Variants in EXOC4 observed in about 807,000 individuals in gnomAD.
The protein encoded by EXOC4 is SEC8-like 1.
A neutral mutation model predicts 107.2 loss-of-function variants in EXOC4; 71 were observed. The observed-to-expected ratio is 0.66, with a 90% confidence interval of 0.55 to 0.81. EXOC4 has a LOEUF of 0.81. EXOC4 is among the 30% of genes least tolerant of loss of function. The pLI, the probability that EXOC4 is intolerant of heterozygous loss-of-function variation, is 0.00. For synonymous variants in EXOC4, 456 were observed against 441.2 expected, an observed-to-expected ratio of 1.03 and a Z score of -0.42; for missense variants, 1,108 against 1,189.6, an observed-to-expected ratio of 0.93 and a Z score of 1.01.
intron 14 of EXOC4, among the ~76,000 whole-genome samples, chr7:133,970,196 C>T (rs1037246421): frequency 6.6e-6 from 1 of 151,954 alleles, no homozygotes; most frequent in Admixed American, 6.6e-5. Flanking sequence ...CCCCTCCCCC[C>T]ACCAAGCTCA....
chr7:133,869,056 G>A (rs1163590321), intron 11 of EXOC4, among the ~76,000 whole-genome samples: 1 of 144,272 alleles, frequency 6.9e-6, no homozygotes, highest in Non-Finnish European at 1.5e-5. Context: ...TGCACGTCCA[G>A]CCTTTCTAGT....
At chr7:133,755,248 A>G (rs1414314431) in intron 10 of EXOC4, among the ~76,000 whole-genome samples, 5 of 99,236 alleles carry the variant, frequency 5.0e-5, no homozygotes, top group African/African-American at 1.4e-4. Context: ...TATATAATAT[A>G]TATATTATAT....
At chr7:133,509,572 G>A (rs1404080835) in intron 9 of EXOC4, among the ~76,000 whole-genome samples, 1 of 152,128 alleles carries the variant, frequency 6.6e-6, no homozygotes, top group South Asian at 2.1e-4. Flanking sequence ...GGGCCATCCC[G>A]GACTCTAAGG....
intron 7 of EXOC4, among the ~76,000 whole-genome samples, chr7:133,444,520 C>T (rs996023854): frequency 2.0e-5 from 3 of 152,230 alleles, no homozygotes; most frequent in South Asian, 4.1e-4. Flanking sequence ...CATGTGGAGA[C>T]GGTAAACTAC....
intron 7 of EXOC4, among the ~76,000 whole-genome samples, chr7:133,421,921 T>C (rs1797616427): frequency 1.3e-5 from 2 of 152,210 alleles, no homozygotes; most frequent in African/African-American, 4.8e-5. Context: ...ATCCTTGCCC[T>C]GAAGCAATTT....
chr7:133,253,125 G>C lies in EXOC4; in HGVS notation c.24G>C (p.Gly8=). ...AGATGGCGGCAGAAGCAGCTGGTGG[G>C]AAATACAGAAGCACAGTCAGCAAAA... MAAEAAG[G]KYRSTVSKSK... The change falls in exon 1 of 18, where the codon GGG becomes GGC. Residue 8 remains glycine, a synonymous_variant. Coordinates refer to ENST00000253861, the MANE Select transcript of EXOC4 (RefSeq NM_021807.4). 1.2e-6 allele frequency: 2 copies of C among 1,614,192 alleles called. No homozygotes were observed. The highest frequency in any genetic ancestry group is 1.7e-6 in the Non-Finnish European group (2 of 1,180,012).
intron 9 of EXOC4, among the ~76,000 whole-genome samples, chr7:133,585,833 A>G (rs1223273099): frequency 6.6e-6 from 1 of 152,038 alleles, no homozygotes; most frequent in Non-Finnish European, 1.5e-5. Flanking sequence ...AGCTGGGACT[A>G]CAGGCATGCA....
intron 11 of EXOC4, among the ~76,000 whole-genome samples, chr7:133,874,090 T>A (rs1384134413): frequency 1.3e-5 from 2 of 152,200 alleles, no homozygotes; most frequent in African/African-American, 4.8e-5. Flanking sequence ...ACAGTTATGT[T>A]AAAGCCTAAG....
intron 7 of EXOC4, among the ~76,000 whole-genome samples, chr7:133,441,712 C>G (rs1049166137): frequency 6.6e-6 from 1 of 152,144 alleles, no homozygotes; most frequent in African/African-American, 2.4e-5. Flanking sequence ...CTCTAGTTAT[C>G]TTGAAGAGGC....
chr7:133,452,913 G>T (rs530779870), intron 7 of EXOC4, among the ~76,000 whole-genome samples: 34 of 152,118 alleles, frequency 2.2e-4, no homozygotes, highest in African/African-American at 8.0e-4. Context: ...ATGTGAAAAG[G>T]GCCTTATAAT....
intron 10 of EXOC4, among the ~76,000 whole-genome samples, chr7:133,755,539 T>C (rs1471794713): frequency 6.6e-6 from 1 of 151,076 alleles, no homozygotes; most frequent in Admixed American, 6.6e-5. Context: ...AGATGGGGTT[T>C]CACCATGTTG....
intron 10 of EXOC4, among the ~76,000 whole-genome samples, chr7:133,710,718 T>TG (rs970285306): frequency 2.0e-5 from 3 of 151,850 alleles, no homozygotes; most frequent in African/African-American, 7.2e-5. Context: ...GCATGAGATC[T>TG]GTCCAGTAGC....
chr7:133,572,861 A>C (rs1261843626), intron 9 of EXOC4, among the ~76,000 whole-genome samples: 8 of 152,162 alleles, frequency 5.3e-5, no homozygotes, highest in Non-Finnish European at 8.8e-5. Context: ...CTCATTTGAA[A>C]CTTCTAGACA....
Position 133,336,705 on chromosome 7 carries a change from TTTTATTTTATTTTATTTTA to T in EXOC4, c.763+19338_763+19356del, listed in dbSNP as rs1437453420. On this transcript the variant is annotated intron_variant, in intron 5 of 17. Transcript: ENST00000253861. ...TTTTTATTTTATTTATTTTATTTTATTTTATTTTATTTTATTTTATTTATTTTATTTTATTTTATTTTAC... is the reference window on the plus strand; with the variant it reads ...TTTTTATTTTATTTATTTTATTTTATTTTATTTTATTTTATTTTATTTTAC... Among the ~76,000 whole-genome samples the T allele has an allele frequency of 4.4e-3, 211 of 47,988 alleles. 2 individuals carry two copies. Among genetic ancestry groups the T allele is most frequent in the South Asian group, 0.039 (26 of 672 alleles). 31.5% of individuals were successfully genotyped at this position (47,988 alleles called of 152,430 possible).
intron 4 of EXOC4, 61 bp from the exon 5 acceptor site, chr7:133,317,223 A>G (rs1795008951): frequency 8.8e-7 from 1 of 1,141,416 alleles, no homozygotes. Flanking sequence ...GTGGGGCTGT[A>G]GTGGGAGGAC....
chr7:133,599,018 A>T (rs2991227), intron 9 of EXOC4, among the ~76,000 whole-genome samples: 22,571 of 152,144 alleles, frequency 0.15, 2,096 homozygotes, highest in Non-Finnish European at 0.2. Context: ...TAATTAAAAT[A>T]AAATAAAATG....
intron 12 of EXOC4, among the ~76,000 whole-genome samples, chr7:133,899,244 C>G (rs910055906): frequency 3.3e-5 from 5 of 152,208 alleles, no homozygotes; most frequent in African/African-American, 1.2e-4. Flanking sequence ...CAAGTTGTCT[C>G]TAGAATGTAA....
intron 9 of EXOC4, among the ~76,000 whole-genome samples, chr7:133,565,277 T>C (rs1800885974): frequency 1.3e-5 from 2 of 152,212 alleles, no homozygotes; most frequent in African/African-American, 4.8e-5. Context: ...GCCTCCACTC[T>C]TAGTTTTCTC....
chr7:133,404,435 AAT>A (rs1230971791), intron 7 of EXOC4, among the ~76,000 whole-genome samples: 2 of 151,758 alleles, frequency 1.3e-5, no homozygotes, highest in Non-Finnish European at 2.9e-5. Flanking sequence ...GTTAAGTCCA[AAT>A]TCCTTGACAT....
Sources: allele counts gnomAD v4.1 joint callset (sites outside exome capture counted in the v4.1 genomes callset), GRCh38; gene constraint gnomAD v4.1.1; transcripts MANE v1.5; gene names NCBI Gene and HGNC (gene_info 2026-07-23, HGNC 2026-07-21).